CCNE1: variants seen among roughly 807,000 people sequenced by gnomAD.
CCNE1 encodes G1/S-specific cyclin-E1.
CCNE1 carries 8 observed loss-of-function variants against 54.1 expected under a neutral mutation model. That is an observed-to-expected ratio of 0.15 (90% CI 0.09 to 0.27). The LOEUF is 0.27. Among genes scored for constraint, CCNE1 ranks in the 10% least tolerant of loss-of-function variants. CCNE1 has a pLI of 1.00. For synonymous variants in CCNE1, 179 were observed against 185.2 expected (o/e 0.97, Z 0.27); for missense variants, 430 against 514.9 (o/e 0.84, Z 1.60).
chr19:29,817,246 T>C lies in CCNE1; in HGVS notation c.290T>C (p.Ile97Thr). 1 of 1,614,200 alleles carries C rather than the reference T, an allele frequency of 6.2e-7. No individual in the cohort carries two copies. The highest frequency in any genetic ancestry group is 8.5e-7 in the Non-Finnish European group (1 of 1,180,038). The change falls in exon 5 of 12, where the codon ATT (isoleucine) becomes ACT (threonine). Residue 97 changes from isoleucine to threonine, a missense_variant. By Grantham distance (89) the Ile-to-Thr change is moderately conservative. This residue lies in a region of CCNE1 where 303 missense variants were observed against 401.1 expected (regional missense o/e 0.76). Coordinates refer to ENST00000262643, the MANE Select transcript of CCNE1 (RefSeq NM_001238.4). ...AACTCAACGTGCAAGCCTCGGATTA[T>C]TGCACCATCCAGAGGCTCCCCGCTG... ...YPNSTCKPRI[I>T]APSRGSPLPV... is the part of the protein sequence containing the mutation.
At position 29,823,960 on chromosome 19, in the gene CCNE1, G is replaced by A. The variant is rs1444028494; in HGVS notation, c.*183G>A. 4 of 597,354 alleles carry A rather than the reference G, an allele frequency of 6.7e-6. No individual in the cohort carries two copies. The highest frequency in any genetic ancestry group is 1.9e-5 in the African/African-American group (1 of 53,174). The allele number at this position is 597,354 out of a possible 1,614,324, so 37.0% of individuals were successfully genotyped here. A position where few individuals can be genotyped will look rare whatever the true frequency, so the allele number is the denominator to read the frequency against. On this transcript the variant is annotated 3_prime_UTR_variant, in exon 12 of 12. Transcript: ENST00000262643. Reference sequence around the variant, plus strand: ...AAGTGTTTTTTATTGAATGCTTATAGGTTTTTTTTAAATAAGTGGGTCAAG... The same window carrying A: ...AAGTGTTTTTTATTGAATGCTTATAAGTTTTTTTTAAATAAGTGGGTCAAG...
chr19:29,823,868 G>A lies in CCNE1; in HGVS notation c.*91G>A, dbSNP rs1974214922. ...GCGGAGGCGTGCGTTTGCTTTTACAGATATCTGAATGGAAGAGTGTTTCTT... is the reference window on the plus strand; with the variant it reads ...GCGGAGGCGTGCGTTTGCTTTTACAAATATCTGAATGGAAGAGTGTTTCTT... On this transcript the variant is annotated 3_prime_UTR_variant, in exon 12 of 12. Transcript: ENST00000262643. 1 of 1,339,690 alleles carries A rather than the reference G, an allele frequency of 7.5e-7. No homozygotes were observed. The highest frequency in any genetic ancestry group is 2.3e-5 in the Admixed American group (1 of 43,578). The allele number at this position is 1,339,690 out of a possible 1,614,324, so 83.0% of individuals were successfully genotyped here. A position where few individuals can be genotyped will look rare whatever the true frequency, so the allele number is the denominator to read the frequency against.
chr19:29,821,843 A>T, intron 8 of CCNE1, 26 bp downstream of exon 8: 1 of 1,563,278 alleles, frequency 6.4e-7, no homozygotes, highest in Non-Finnish European at 8.8e-7. Flanking sequence ...TTTTCCGGCC[A>T]TTTTTTAAAT....
intron 6 of CCNE1, among the ~76,000 whole-genome samples, chr19:29,817,971 C>T (rs1183267865): frequency 6.9e-6 from 1 of 144,812 alleles, no homozygotes; most frequent in Non-Finnish European, 1.5e-5. Context: ...AGTGACTTTC[C>T]TGGCCTCAGC....
chr19:29,819,488 C>T (rs1025205615), intron 6 of CCNE1, among the ~76,000 whole-genome samples: 1 of 151,944 alleles, frequency 6.6e-6, no homozygotes, highest in Non-Finnish European at 1.5e-5. Context: ...TGCTATGTTG[C>T]CCCGGCTGGT....
intron 4 of CCNE1, 146 bp downstream of exon 4, chr19:29,813,183 T>G: frequency 1.5e-6 from 1 of 680,060 alleles, no homozygotes; most frequent in Non-Finnish European, 2.5e-6. Flanking sequence ...CCCAGCACTG[T>G]ACCTGTCAGT....
At chr19:29,819,449 A>AT (rs1974101884) in intron 6 of CCNE1, among the ~76,000 whole-genome samples, 1 of 151,558 alleles carries the variant, frequency 6.6e-6, no homozygotes, top group Non-Finnish European at 1.5e-5. Flanking sequence ...CTCCCTGCCG[A>AT]TTTTTTATTT....
Position 29,812,596 on chromosome 19 carries a change from G to A in CCNE1, c.23+18G>A. The A allele has an allele frequency of 1.3e-6, 2 of 1,529,886 alleles. No homozygotes were observed. The highest frequency in any genetic ancestry group is 1.8e-6 in the Non-Finnish European group (2 of 1,140,660). The allele number at this position is 1,529,886 out of a possible 1,614,324, so 94.8% of individuals were successfully genotyped here. Reference sequence around the variant, plus strand: ...AGGGAGCGGTGAGTGCCCGCGCCGCGGGGCCGGACGGGACGGGACGGGACG... The same window carrying A: ...AGGGAGCGGTGAGTGCCCGCGCCGCAGGGCCGGACGGGACGGGACGGGACG... On this transcript the variant is annotated intron_variant, in intron 2 of 11. Coordinates refer to ENST00000262643, the MANE Select transcript of CCNE1 (RefSeq NM_001238.4).
Position 29,821,547 on chromosome 19 carries a change from CTTTTTTTT to C in CCNE1, c.610-158_610-151del, listed in dbSNP as rs35368977. 9.1e-5 allele frequency among the ~76,000 whole-genome samples: 10 copies of C among 110,442 alleles called. 1 individual carries two copies. In the East Asian group the frequency reaches 1.6e-3, roughly 18 times the overall value. The allele number at this position is 110,442 out of a possible 152,430, so 72.5% of individuals were successfully genotyped here. A position where few individuals can be genotyped will look rare whatever the true frequency, so the allele number is the denominator to read the frequency against. On this transcript the variant is annotated intron_variant, in intron 7 of 11. Transcript: ENST00000262643. ...TTTAATGGTGGGTGGGAGTTGTGTT[CTTTTTTTT>C]TTTTTTTTTTTTTTTTACAACCATT...
intron 4 of CCNE1, among the ~76,000 whole-genome samples, chr19:29,815,661 C>A (rs1410878804): frequency 1.5e-5 from 2 of 137,610 alleles, no homozygotes; most frequent in Non-Finnish European, 3.0e-5. Flanking sequence ...CAGAGTCTTG[C>A]TCCGTCACCC....
chr19:29,820,509 A>G (rs1191552012), intron 6 of CCNE1, among the ~76,000 whole-genome samples, 193 bp from the exon 7 acceptor site: 1 of 152,024 alleles, frequency 6.6e-6, no homozygotes, highest in Non-Finnish European at 1.5e-5. Flanking sequence ...CAAGATCACA[A>G]CACTACTTTC....
chr19:29,821,815 A>G lies in CCNE1; in HGVS notation c.703A>G (p.Lys235Glu), dbSNP rs750127967. Residue 235 changes from lysine (K) to glutamate (E), a missense_variant and splice_region_variant, in exon 8 of 12, where the codon AAG becomes GAG. By Grantham distance (56) the Lys-to-Glu change is moderately conservative. Around this residue, in one of 2 missense-constraint regions of CCNE1, gnomAD observed 303 missense variants for 401.1 expected, o/e 0.76. Coordinates refer to ENST00000262643, the MANE Select transcript of CCNE1 (RefSeq NM_001238.4). ...TCTCACCATGGAATTAATGATTATG[A>G]AGGTGGGTTCCAGTGAATTTTCCGG... Reference protein sequence around the residue: ...EILTMELMIMKALKWRLSPLT... With the variant: ...EILTMELMIMEALKWRLSPLT... 8 of 1,607,846 alleles carry G rather than the reference A, an allele frequency of 5.0e-6. No homozygotes were observed. Among genetic ancestry groups the G allele is most frequent in the Non-Finnish European group, 6.8e-6 (8 of 1,174,308 alleles).
At position 29,817,431 on chromosome 19, in the gene CCNE1, A is replaced by G. The variant is rs767658103; in HGVS notation, c.352A>G (p.Lys118Glu). 6.2e-7 allele frequency: 1 copy of G among 1,614,212 alleles called. No individual in the cohort carries two copies. The highest frequency in any genetic ancestry group is 1.1e-5 in the South Asian group (1 of 91,086). The change falls in exon 6 of 12, where the codon AAA becomes GAA. Residue 118 changes from lysine (K) to glutamate (E), a missense_variant. Coordinates refer to ENST00000262643, the MANE Select transcript of CCNE1 (RefSeq NM_001238.4). Reference sequence around the variant, plus strand: ...CTGGGCAAATAGAGAGGAAGTCTGGAAAATCATGTTAAACAAGGAAAAGAC... The same window carrying G: ...CTGGGCAAATAGAGAGGAAGTCTGGGAAATCATGTTAAACAAGGAAAAGAC... ...LSWANREEVWKIMLNKEKTYL... is the reference protein window; with the variant it reads ...LSWANREEVWEIMLNKEKTYL...
At chr19:29,815,512 G>A (rs865925099) in intron 4 of CCNE1, among the ~76,000 whole-genome samples, 1 of 152,094 alleles carries the variant, frequency 6.6e-6, no homozygotes, top group Non-Finnish European at 1.5e-5. Context: ...TGTTGTGGTC[G>A]CCACCATGTG....
At chr19:29,820,886 T>G (rs765507379) in intron 7 of CCNE1, 38 bp downstream of exon 7, 2 of 1,496,588 alleles carry the variant, frequency 1.3e-6, no homozygotes, top group South Asian at 1.2e-5. Flanking sequence ...TAATGTGTGT[T>G]ATTTCTCGAG....
In CCNE1 at chr19:29,822,093, C is replaced by T. The variant is rs189673443; in HGVS notation, c.803C>T (p.Pro268Leu). The T allele has an allele frequency of 5.6e-5, 90 of 1,613,882 alleles. No homozygotes were observed. Among genetic ancestry groups the T allele is most frequent in the African/African-American group, 1.7e-4 (13 of 74,922 alleles). The change falls in exon 9 of 12, where the codon CCG becomes CTG. Residue 268 changes from proline (P) to leucine (L), a missense_variant. Pro to Leu is a moderately conservative substitution (Grantham distance 98). Around this residue, in one of 2 missense-constraint regions of CCNE1, gnomAD observed 303 missense variants for 401.1 expected, o/e 0.76. Coordinates refer to ENST00000262643, the MANE Select transcript of CCNE1 (RefSeq NM_001238.4). The part of the protein sequence containing the change: ...YLNDLHEVLL[P>L]QYPQQIFIQI... ...AATGACTTACATGAAGTGCTACTGCCGCAGTATCCCCAGCAAATCTTTATA... is the reference window on the plus strand; with the variant it reads ...AATGACTTACATGAAGTGCTACTGCTGCAGTATCCCCAGCAAATCTTTATA...
intron 6 of CCNE1, among the ~76,000 whole-genome samples, chr19:29,820,348 C>T (rs761128277): frequency 2.0e-5 from 3 of 152,066 alleles, no homozygotes; most frequent in Non-Finnish European, 4.4e-5. Context: ...GCCGGGAGTT[C>T]AAAACCAGCC....
At chr19:29,818,371 AGGCT>A (rs1974076808) in intron 6 of CCNE1, among the ~76,000 whole-genome samples, 1 of 152,138 alleles carries the variant, frequency 6.6e-6, no homozygotes, top group South Asian at 2.1e-4. Context: ...CATGTTGGCC[AGGCT>A]GGTCTTGAAC....
chr19:29,818,646 C>T (rs1248499902), intron 6 of CCNE1, among the ~76,000 whole-genome samples: 2 of 152,246 alleles, frequency 1.3e-5, no homozygotes, highest in Non-Finnish European at 1.5e-5. Flanking sequence ...TGTTCAAATC[C>T]TGGCTGGGCA....
Sources: allele counts gnomAD v4.1 joint callset (sites outside exome capture counted in the v4.1 genomes callset), GRCh38; gene constraint gnomAD v4.1.1; regional missense constraint gnomAD v4.1.1; transcripts MANE v1.5; gene names NCBI Gene and HGNC (gene_info 2026-07-23, HGNC 2026-07-21).